The following PDE8B variants were observed in gnomAD, a reference collection of about 807,000 sequenced individuals.
PDE8B encodes the protein high affinity cAMP-specific and IBMX-insensitive 3',5'-cyclic phosphodiesterase 8B.
Under a neutral mutation model 101.3 loss-of-function variants are expected in PDE8B, and 26 were observed. The observed-to-expected ratio is 0.26, with a 90% CI of 0.19 to 0.36. The LOEUF (loss-of-function observed/expected upper bound fraction) is 0.36. PDE8B is among the 10% of genes least tolerant of loss of function. The probability of loss-of-function intolerance (pLI) is 1.00; values close to 1 mark genes in which losing one functional copy is unlikely to be tolerated. For missense variants in PDE8B, 810 were observed against 1,163.1 expected (o/e 0.70, Z 4.42); for synonymous variants, 424 against 429.3 (o/e 0.99, Z 0.15).
At chr5:77,418,162 G>A (rs1795952937) in intron 17 of PDE8B, 67 bp from the exon 18 acceptor site, 2 of 1,047,296 alleles carry the variant, frequency 1.9e-6, no homozygotes, top group Non-Finnish European at 3.0e-6. Flanking sequence ...CCTCCGCACA[G>A]ACAAGGATGG....
intron 7 of PDE8B, among the ~76,000 whole-genome samples, chr5:77,348,010 A>C (rs1239661827): frequency 1.3e-5 from 2 of 152,124 alleles, no homozygotes; most frequent in African/African-American, 4.8e-5. Flanking sequence ...AGATCCATGA[A>C]GACAATATCA....
At chr5:77,106,831 C>T in the PDE8B span, among the ~76,000 whole-genome samples, 1 of 151,982 alleles carries the variant, frequency 6.6e-6, no homozygotes, top group South Asian at 2.1e-4. Flanking sequence ...ACATTTACCC[C>T]AAACTATGTC....
chr5:77,099,810 A>G, the PDE8B span, among the ~76,000 whole-genome samples: 2 of 152,050 alleles, frequency 1.3e-5, no homozygotes, highest in African/African-American at 4.8e-5. Flanking sequence ...GGGTTTCACC[A>G]TATTGGTCAG....
chr5:77,119,999 T>TAAGCA, the PDE8B span, among the ~76,000 whole-genome samples: 1 of 150,768 alleles, frequency 6.6e-6, no homozygotes, highest in Non-Finnish European at 1.5e-5. Flanking sequence ...ACCTTGTTTC[T>TAAGCA]AAACAAAACA....
At chr5:77,422,138 A>G (rs1796784706) in intron 20 of PDE8B, 150 bp downstream of exon 20, 2 of 840,728 alleles carry the variant, frequency 2.4e-6, no homozygotes, top group African/African-American at 1.7e-5. Context: ...CACCTGGGGT[A>G]GGCTTCTGGT....
Position 77,273,981 on chromosome 5 carries a change from C to T in PDE8B, c.340-38013C>T, listed in dbSNP as rs928374312. On this transcript the variant is annotated intron_variant, in intron 1 of 21. Coordinates refer to ENST00000264917, the MANE Select transcript of PDE8B (RefSeq NM_003719.5). ...AGGATTACAGACATGCGCCACTATG[C>T]CCGGCTAATTTTGTATTTTTAGTAG... 3.9e-5 allele frequency among the ~76,000 whole-genome samples: 6 copies of T among 151,956 alleles called. No homozygotes were observed. In the South Asian group the frequency reaches 1.2e-3, roughly 32 times the overall value.
chr5:77,274,223 T>C (rs1763375571), intron 1 of PDE8B, among the ~76,000 whole-genome samples: 1 of 152,142 alleles, frequency 6.6e-6, no homozygotes, highest in Admixed American at 6.5e-5. Context: ...CAATTAATCC[T>C]CAAAAAATCC....
At chr5:77,393,358 G>A (rs1377786835) in intron 10 of PDE8B, among the ~76,000 whole-genome samples, 1 of 150,820 alleles carries the variant, frequency 6.6e-6, no homozygotes, top group African/African-American at 2.4e-5. Context: ...TGCACCCACT[G>A]CTCTCCAGCC....
chr5:77,127,130 C>A, the PDE8B span, among the ~76,000 whole-genome samples: 2 of 152,200 alleles, frequency 1.3e-5, no homozygotes, highest in Non-Finnish European at 2.9e-5. Flanking sequence ...ACAAGCTTAT[C>A]CAGGTTCCTG....
the PDE8B span, among the ~76,000 whole-genome samples, chr5:77,121,096 G>A: frequency 2.0e-5 from 3 of 152,198 alleles, no homozygotes; most frequent in South Asian, 4.1e-4. Flanking sequence ...TACAACAAAC[G>A]AACAGCTATT....
the PDE8B span, chr5:77,180,572 G>A: frequency 1.3e-6 from 1 of 781,834 alleles, no homozygotes; most frequent in African/African-American, 1.9e-5. Flanking sequence ...CCCAGAGCCG[G>A]CTTCAGGGCC....
At chr5:77,208,815 T>C (rs527552365), upstream of PDE8B, among the ~76,000 whole-genome samples, 2 of 152,288 alleles carry the variant, frequency 1.3e-5, no homozygotes, top group South Asian at 2.1e-4. Flanking sequence ...GTGGCCTGCA[T>C]GTAAAGACTG....
chr5:77,201,118 G>A, the PDE8B span, among the ~76,000 whole-genome samples: 1 of 152,230 alleles, frequency 6.6e-6, no homozygotes, highest in Non-Finnish European at 1.5e-5. Flanking sequence ...TAAGAAATAA[G>A]ATCCCAGGGC....
At chr5:77,170,464 C>T in the PDE8B span, among the ~76,000 whole-genome samples, 5 of 152,124 alleles carry the variant, frequency 3.3e-5, no homozygotes, top group African/African-American at 7.2e-5. Context: ...AGCAGTTCTG[C>T]CTGGGGATGT....
intron 1 of PDE8B, among the ~76,000 whole-genome samples, chr5:77,232,937 G>T (rs1479815724): frequency 6.6e-6 from 1 of 152,212 alleles, no homozygotes; most frequent in Non-Finnish European, 1.5e-5. Context: ...ACTGCTGTAA[G>T]TAGCGAATCC....
chr5:77,378,311 C>T (rs13163022), intron 10 of PDE8B, among the ~76,000 whole-genome samples: 55,202 of 151,420 alleles, frequency 0.36, 11,168 homozygotes, highest in African/African-American at 0.54. Flanking sequence ...ATACAAAAAT[C>T]AGCTGGGTGT....
chr5:77,202,105 C>T, the PDE8B span, among the ~76,000 whole-genome samples: 1 of 152,166 alleles, frequency 6.6e-6, no homozygotes, highest in East Asian at 1.9e-4. Context: ...GGCCCTGTCT[C>T]CAAATATAGC....
At chr5:77,408,641 T>C (rs1793968982) in intron 13 of PDE8B, among the ~76,000 whole-genome samples, 2 of 151,888 alleles carry the variant, frequency 1.3e-5, no homozygotes, top group South Asian at 4.2e-4. Flanking sequence ...CTCCAATCTG[T>C]AGAGGAGGGC....
chr5:77,394,100 T>C (rs375716969), intron 10 of PDE8B, among the ~76,000 whole-genome samples: 2 of 152,204 alleles, frequency 1.3e-5, no homozygotes, highest in Admixed American at 6.5e-5. Context: ...AGAATACTCA[T>C]GAAAAGTTTC....
Sources: gnomAD v4.1 joint callset for allele counts (sites outside exome capture counted in the v4.1 genomes callset) on GRCh38, gnomAD v4.1.1 for gene constraint, MANE v1.5 for transcripts, NCBI Gene and HGNC (gene_info 2026-07-23, HGNC 2026-07-21) for gene names.